MYO18A: variants seen among roughly 807,000 people sequenced by gnomAD.
MYO18A encodes unconventional myosin-XVIIIa.
MYO18A carries 78 observed loss-of-function variants against 235.8 expected under a neutral mutation model. The ratio of observed to expected loss-of-function variants is 0.33; its 90% CI spans 0.28 to 0.40. MYO18A has a LOEUF of 0.40. Ranked by LOEUF, MYO18A falls within the 10% of genes least tolerant of loss-of-function variation. The pLI is 1.00. For missense variants in MYO18A, 2,215 were observed against 2,699.3 expected, an observed-to-expected ratio of 0.82 and a Z score of 3.98; for synonymous variants, 977 against 1,077.8, an observed-to-expected ratio of 0.91 and a Z score of 1.83.
At chr17:29,172,167 C>G (rs1489805391) in intron 1 of MYO18A, among the ~76,000 whole-genome samples, 1 of 152,132 alleles carries the variant, frequency 6.6e-6, no homozygotes, top group Non-Finnish European at 1.5e-5. Flanking sequence ...AAGTAACAAA[C>G]CTGTGAACAA....
rs2065902610 is a variant in MYO18A at position 29,073,013 on chromosome 17, T to C, written c.*1757A>G. 6.6e-6 allele frequency: 1 copy of C among 152,082 alleles called. No individual in the cohort carries two copies. Among genetic ancestry groups the C allele is most frequent in the African/African-American group, 2.4e-5 (1 of 41,390 alleles). The allele number at this position is 152,082 out of a possible 1,614,324, so 9.4% of individuals were successfully genotyped here. A position where few individuals can be genotyped will look rare whatever the true frequency, so the allele number is the denominator to read the frequency against. On this transcript the variant is annotated 3_prime_UTR_variant, in exon 42 of 42. Coordinates refer to ENST00000527372, the MANE Select transcript of MYO18A (RefSeq NM_078471.4). ...CCAAGTTTTGATCAAAAAGTCACCT[T>C]TGAAATGGCTAAAATTAAGCTTTTA...
intron 20 of MYO18A, among the ~76,000 whole-genome samples, chr17:29,103,960 T>C (rs751949562): frequency 2.0e-5 from 3 of 152,210 alleles, no homozygotes; most frequent in Non-Finnish European, 4.4e-5. Context: ...GAACTTATGA[T>C]ACAAGTGAGA....
intron 15 of MYO18A, among the ~76,000 whole-genome samples, 168 bp from the exon 16 acceptor site, chr17:29,112,031 G>A (rs902631577): frequency 3.9e-5 from 6 of 152,164 alleles, no homozygotes; most frequent in African/African-American, 9.7e-5. Context: ...TGGAGGAAGC[G>A]GGCAGCCCGG....
chr17:29,098,599 G>A (rs1192642852), intron 23 of MYO18A, among the ~76,000 whole-genome samples, 154 bp from the exon 24 acceptor site: 1 of 152,200 alleles, frequency 6.6e-6, no homozygotes, highest in Non-Finnish European at 1.5e-5. Context: ...TGCCTCCTGG[G>A]GATCCTGTCC....
At chr17:29,083,490 G>A (rs2066167884) in intron 40 of MYO18A, among the ~76,000 whole-genome samples, 1 of 117,692 alleles carries the variant, frequency 8.5e-6, no homozygotes, top group Non-Finnish European at 1.7e-5. Context: ...CCTGAATTAT[G>A]TTCTTAAATA....
At chr17:29,129,341 TC>T (rs1251863646) in intron 2 of MYO18A, among the ~76,000 whole-genome samples, 1 of 152,124 alleles carries the variant, frequency 6.6e-6, no homozygotes, top group Admixed American at 6.5e-5. Context: ...ACCCCCTAGT[TC>T]CCAGAGTGTG....
Position 29,121,464 on chromosome 17 carries a change from G to C in MYO18A, c.1371+83C>G. 2 of 1,408,712 alleles carry C rather than the reference G, an allele frequency of 1.4e-6. No homozygotes were observed. Among genetic ancestry groups the C allele is most frequent in the Non-Finnish European group, 1.9e-6 (2 of 1,047,902 alleles). The allele number at this position is 1,408,712 out of a possible 1,614,324, so 87.3% of individuals were successfully genotyped here. Reference sequence around the variant, plus strand: ...AACTGTGAGAGTGGACAGGAGCCCAGTGGGGTGCCACAGGGGAAGGGCAGA... The same window carrying C: ...AACTGTGAGAGTGGACAGGAGCCCACTGGGGTGCCACAGGGGAAGGGCAGA... On this transcript the variant is annotated intron_variant, in intron 5 of 41. Coordinates refer to ENST00000527372, the MANE Select transcript of MYO18A (RefSeq NM_078471.4). The surrounding 1 kb of genome is among the most constrained non-coding windows in gnomAD (Gnocchi z 4.2).
intron 2 of MYO18A, among the ~76,000 whole-genome samples, chr17:29,142,848 T>A (rs1354556629): frequency 6.6e-6 from 1 of 152,256 alleles, no homozygotes; most frequent in Non-Finnish European, 1.5e-5. Context: ...TCACTCACTC[T>A]ATCGGCTGGA....
intron 22 of MYO18A, 132 bp from the exon 23 acceptor site, chr17:29,099,101 C>G: frequency 8.9e-7 from 1 of 1,128,570 alleles, no homozygotes; most frequent in Non-Finnish European, 1.3e-6. Context: ...GAGTCAGATA[C>G]TTCTCATGCT....
At chr17:29,080,418 C>T in intron 41 of MYO18A, 1 of 986,122 alleles carries the variant, frequency 1.0e-6, no homozygotes, top group Non-Finnish European at 1.2e-6. Flanking sequence ...GCGAGCAGGC[C>T]TCGCTCAGGG....
At position 29,074,664 on chromosome 17, in the gene MYO18A, A is replaced by G; in HGVS notation, c.*106T>C. ...AAGAAGGTCAGGGTGTTTCCCATGC[A>G]GATCAGCAGTCGGGTGGGGGAGACC... On this transcript the variant is annotated 3_prime_UTR_variant, in exon 42 of 42. Coordinates refer to ENST00000527372, the MANE Select transcript of MYO18A (RefSeq NM_078471.4). The surrounding 1 kb of genome is among the most constrained non-coding windows in gnomAD (Gnocchi z 4.4). 1.6e-6 allele frequency: 2 copies of G among 1,264,502 alleles called. No individual in the cohort carries two copies. Among genetic ancestry groups the G allele is most frequent in the Non-Finnish European group, 2.3e-6 (2 of 878,872 alleles). The allele number at this position is 1,264,502 out of a possible 1,614,324, so 78.3% of individuals were successfully genotyped here. A position where few individuals can be genotyped will look rare whatever the true frequency, so the allele number is the denominator to read the frequency against.
intron 41 of MYO18A, chr17:29,080,610 G>A (rs1410995848): frequency 1.0e-6 from 1 of 985,670 alleles, no homozygotes; most frequent in Non-Finnish European, 1.2e-6. Context: ...AGAAACTCAG[G>A]GAAGAGCCAG....
At chr17:29,101,509 G>C (rs888816400) in intron 21 of MYO18A, among the ~76,000 whole-genome samples, 9 of 152,058 alleles carry the variant, frequency 5.9e-5, no homozygotes, top group African/African-American at 2.2e-4. Flanking sequence ...GTTTCACCAT[G>C]TTGCCCAGGG....
chr17:29,080,631 G>C (rs1193801306), intron 41 of MYO18A: 1 of 985,506 alleles, frequency 1.0e-6, no homozygotes, highest in Non-Finnish European at 1.2e-6. Flanking sequence ...CCCTGTCTTC[G>C]CCAGAGCCCC....
At chr17:29,110,824 G>C in intron 17 of MYO18A, among the ~76,000 whole-genome samples, 1 of 152,216 alleles carries the variant, frequency 6.6e-6, no homozygotes, top group Non-Finnish European at 1.5e-5. Flanking sequence ...GAAAGCCAGA[G>C]GTGGGCAGAA....
At chr17:29,152,773 G>A (rs1268656517) in intron 2 of MYO18A, among the ~76,000 whole-genome samples, 1 of 152,062 alleles carries the variant, frequency 6.6e-6, no homozygotes, top group Non-Finnish European at 1.5e-5. Flanking sequence ...TCAGGTTGGA[G>A]TGCAGTGGTG....
chr17:29,113,644 A>G lies in MYO18A; in HGVS notation c.2598+367T>C, dbSNP rs115693739. 4.2e-3 allele frequency among the ~76,000 whole-genome samples: 636 copies of G among 152,308 alleles called. 5 individuals carry two copies. Among genetic ancestry groups the G allele is most frequent in the African/African-American group, 0.014 (565 of 41,574 alleles). ...TGTCCTTGGGGTCTAGGCCCTCACCAGCTGGGACTGGTCACCAGGGCTCCT... is the reference window on the plus strand; with the variant it reads ...TGTCCTTGGGGTCTAGGCCCTCACCGGCTGGGACTGGTCACCAGGGCTCCT... On this transcript the variant is annotated intron_variant, in intron 15 of 41. Coordinates refer to ENST00000527372, the MANE Select transcript of MYO18A (RefSeq NM_078471.4).
At position 29,111,816 on chromosome 17, in the gene MYO18A, T is replaced by C. The variant is rs912506227; in HGVS notation, c.2646A>G (p.Leu882=). 10 of 1,613,610 alleles carry C rather than the reference T, an allele frequency of 6.2e-6. No individual in the cohort carries two copies. Among genetic ancestry groups the C allele is most frequent in the Middle Eastern group, 1.6e-4 (1 of 6,078 alleles). The change falls in exon 16 of 42, where the codon CTA becomes CTG. Residue 882 remains leucine, a synonymous_variant. Transcript: ENST00000527372. This position sits in a 1 kb window ranked among gnomAD's most constrained non-coding sequence, Gnocchi z 5.1. ...CTGGCACCAGAGCCTCCTCTTCCAA[T>C]AGCCAGAGCAGGCCCCTCGCCTCGT... ...RTDEARGLLW[L]LEEEALVPGA...
chr17:29,099,671 C>T lies in MYO18A; in HGVS notation c.3599G>A (p.Arg1200Lys), dbSNP rs1214734220. The T allele has an allele frequency of 1.8e-5, 29 of 1,613,724 alleles. No individual in the cohort carries two copies. Among genetic ancestry groups the T allele is most frequent in the Non-Finnish European group, 2.3e-5 (27 of 1,179,872 alleles). ...GAAGTGCTGGCGGGCCAGGTAGCCC[C>T]TGCAGGCTGCTTGGAACAGGGTTAG... ...RNLTLFQAAC[R>K]GYLARQHFKK... The change falls in exon 22 of 42, where the codon AGG becomes AAG. Residue 1200 changes from arginine to lysine, a missense_variant. Physicochemically the swap from Arg to Lys is conservative, Grantham distance 26 (BLOSUM62 2). Transcript: ENST00000527372.
Sources: allele counts gnomAD v4.1 joint callset (sites outside exome capture counted in the v4.1 genomes callset), GRCh38; gene constraint gnomAD v4.1.1; non-coding constraint Gnocchi (gnomAD v3.1); transcripts MANE v1.5; gene names NCBI Gene and HGNC (gene_info 2026-07-23, HGNC 2026-07-21).